Variants in SLC38A9 observed in about 807,000 individuals in gnomAD.
The protein encoded by SLC38A9 is neutral amino acid transporter 9.
In SLC38A9, 48 loss-of-function variants were observed where a neutral mutation model predicts 62.3. The ratio of observed to expected loss-of-function variants is 0.77; its 90% CI spans 0.61 to 0.98. The LOEUF (loss-of-function observed/expected upper bound fraction) is 0.98. Ranked by LOEUF, SLC38A9 falls within the 50% of genes least tolerant of loss-of-function variation. The pLI is 0.00. For synonymous variants in SLC38A9, 204 were observed against 227.7 expected (o/e 0.90, Z 0.94); for missense variants, 541 against 679.8 (o/e 0.80, Z 2.27).
chr5:55,694,764 T>TTCCTC (rs1755247150), intron 3 of SLC38A9, among the ~76,000 whole-genome samples: 1 of 141,122 alleles, frequency 7.1e-6, no homozygotes, highest in Non-Finnish European at 1.5e-5. Flanking sequence ...CTCCTTTCCT[T>TTCCTC]TCCTTTCCTG....
intron 2 of SLC38A9, chr5:55,703,973 A>G (rs1029707527): frequency 2.0e-5 from 3 of 152,134 alleles, no homozygotes; most frequent in African/African-American, 7.2e-5. Context: ...CCCTGGCAAC[A>G]TGGCAAGACC....
chr5:55,636,083 A>G (rs2150065378), intron 12 of SLC38A9, among the ~76,000 whole-genome samples: 1 of 152,358 alleles, frequency 6.6e-6, no homozygotes, highest in East Asian at 1.9e-4. Flanking sequence ...GTCCTTTGGT[A>G]AATTAACTTA....
At chr5:55,698,100 G>A in intron 2 of SLC38A9, 108 bp from the exon 3 acceptor site, 2 of 547,056 alleles carry the variant, frequency 3.7e-6, no homozygotes, top group South Asian at 5.5e-5. Context: ...ATTTGCTGAA[G>A]ATATCTTAAT....
rs559990135 is a variant in SLC38A9, at chr5:55,663,630, G to C, written c.697+1063C>G. Among the ~76,000 whole-genome samples the C allele has an allele frequency of 2.7e-4, 41 of 152,192 alleles. 1 individual carries two copies. The South Asian group carries it at 6.4e-3, about 24-fold the overall frequency. On this transcript the variant is annotated intron_variant, in intron 8 of 15. Coordinates refer to ENST00000396865, the MANE Select transcript of SLC38A9 (RefSeq NM_173514.4). ...TGCCTGTAATCCCAGCTACTCGGAA[G>C]GCCGAAGCAGGAGAATCACTTGAAC...
intron 15 of SLC38A9, 53 bp from the exon 16 acceptor site, chr5:55,626,712 C>CTG (rs1742501180): frequency 2.0e-6 from 3 of 1,494,652 alleles, no homozygotes; most frequent in Non-Finnish European, 2.7e-6. Flanking sequence ...TTGCTTTTTA[C>CTG]AATTAAGGTA....
intron 8 of SLC38A9, among the ~76,000 whole-genome samples, chr5:55,660,882 T>G (rs68162610): frequency 0.039 from 5,931 of 152,210 alleles, 155 homozygotes; most frequent in African/African-American, 0.082. Flanking sequence ...CTACTATAGA[T>G]GATTTAAAAA....
At chr5:55,635,326 A>C in intron 13 of SLC38A9, 1 of 569,670 alleles carries the variant, frequency 1.8e-6, no homozygotes. Flanking sequence ...CCATCTAAAA[A>C]TCAAATGGGG....
chr5:55,665,319 G>A (rs1369853760), intron 7 of SLC38A9, among the ~76,000 whole-genome samples: 2 of 151,970 alleles, frequency 1.3e-5, no homozygotes, highest in African/African-American at 2.4e-5. Flanking sequence ...GCCGAGGCAC[G>A]CAGATCACTT....
intron 8 of SLC38A9, among the ~76,000 whole-genome samples, 190 bp from the exon 9 acceptor site, chr5:55,656,964 C>T (rs1471551871): frequency 6.6e-6 from 1 of 152,040 alleles, no homozygotes; most frequent in Non-Finnish European, 1.5e-5. Context: ...AGATTCACGC[C>T]ATTCTCCTGC....
intron 9 of SLC38A9, among the ~76,000 whole-genome samples, chr5:55,655,967 A>G (rs1162429385): frequency 2.0e-5 from 3 of 152,166 alleles, no homozygotes; most frequent in African/African-American, 7.2e-5. Context: ...TAAGAAATTA[A>G]TTTCTTTTAC....
At chr5:55,673,798 A>G (rs1239212631) in intron 3 of SLC38A9, among the ~76,000 whole-genome samples, 3 of 144,942 alleles carry the variant, frequency 2.1e-5, no homozygotes, top group Non-Finnish European at 3.0e-5. Context: ...TGCAACCTCC[A>G]CCTCCTGAGT....
chr5:55,664,632 C>G, intron 8 of SLC38A9, 61 bp downstream of exon 8: 1 of 914,726 alleles, frequency 1.1e-6, no homozygotes, highest in South Asian at 3.4e-5. Flanking sequence ...CTAGAACTAA[C>G]ATTACAGTGG....
At chr5:55,677,657 A>T (rs913363005) in intron 3 of SLC38A9, among the ~76,000 whole-genome samples, 1 of 152,014 alleles carries the variant, frequency 6.6e-6, no homozygotes, top group African/African-American at 2.4e-5. Context: ...TCAGCCTCCC[A>T]AGAAGCTAGG....
At chr5:55,643,039 G>T (rs1312514378) in intron 12 of SLC38A9, among the ~76,000 whole-genome samples, 1 of 152,162 alleles carries the variant, frequency 6.6e-6, no homozygotes, top group African/African-American at 2.4e-5. Flanking sequence ...ACTTCATTAT[G>T]ACTTTTGTTT....
At chr5:55,635,489 C>T in intron 13 of SLC38A9, 55 bp downstream of exon 13, 1 of 1,285,142 alleles carries the variant, frequency 7.8e-7, no homozygotes, top group Non-Finnish European at 1.1e-6. Context: ...ACCCTACCTA[C>T]TATAAATACA....
chr5:55,659,378 G>GTTTTTTTTTTTTTTT (rs35686566), intron 8 of SLC38A9, among the ~76,000 whole-genome samples: 1 of 125,572 alleles, frequency 8.0e-6, no homozygotes, highest in African/African-American at 2.9e-5. Flanking sequence ...AACTGGAAAG[G>GTTTTTTTTTTTTTTT]TTTTTTTTTT....
chr5:55,698,887 T>C (rs1416771008), intron 2 of SLC38A9, among the ~76,000 whole-genome samples: 2 of 152,148 alleles, frequency 1.3e-5, no homozygotes, highest in Admixed American at 6.6e-5. Context: ...CAGTGAGCTA[T>C]GATTGCGCCA....
At chr5:55,654,899 G>GT (rs1371982529) in intron 9 of SLC38A9, among the ~76,000 whole-genome samples, 8 of 152,062 alleles carry the variant, frequency 5.3e-5, no homozygotes, top group Admixed American at 4.6e-4. Context: ...GGGCAGTGGC[G>GT]TAACTATGGC....
At chr5:55,685,417 A>G (rs921867283) in intron 3 of SLC38A9, among the ~76,000 whole-genome samples, 1 of 152,196 alleles carries the variant, frequency 6.6e-6, no homozygotes, top group Non-Finnish European at 1.5e-5. Context: ...AGGTTGATAC[A>G]TATTGTTGTT....
Sources: allele counts gnomAD v4.1 joint callset (sites outside exome capture counted in the v4.1 genomes callset), GRCh38; gene constraint gnomAD v4.1.1; transcripts MANE v1.5; gene names NCBI Gene and HGNC (gene_info 2026-07-23, HGNC 2026-07-21).